BCAS3: variants seen among roughly 807,000 people sequenced by gnomAD.
BCAS3 encodes the protein BCAS4/BCAS3 fusion.
BCAS3 carries 53 observed loss-of-function variants against 116.1 expected under a neutral mutation model. That is an observed-to-expected ratio of 0.46 (90% CI 0.37 to 0.57). The LOEUF (loss-of-function observed/expected upper bound fraction) is 0.57, where lower values mean the gene tolerates loss of function less well. Ranked by LOEUF, BCAS3 falls within the 20% of genes least tolerant of loss-of-function variation. BCAS3 has a pLI of 0.00. For synonymous variants in BCAS3, 391 were observed against 408.2 expected (o/e 0.96, Z 0.51); for missense variants, 917 against 1,165.4 (o/e 0.79, Z 3.10).
chr17:60,951,957 A>T (rs1410027532), intron 14 of BCAS3, among the ~76,000 whole-genome samples: 1 of 151,720 alleles, frequency 6.6e-6, no homozygotes, highest in African/African-American at 2.4e-5. Context: ...TTTTTAGTAG[A>T]GACAGGGTTT....
intron 22 of BCAS3, among the ~76,000 whole-genome samples, chr17:61,266,971 T>C (rs553309362): frequency 8.3e-4 from 127 of 152,354 alleles, no homozygotes; most frequent in African/African-American, 3.0e-3. Flanking sequence ...CTCCATACTT[T>C]CTTTATAGCA....
At position 61,229,986 on chromosome 17, in the gene BCAS3, G is replaced by A. The variant is rs544546580; in HGVS notation, c.2426-138341G>A. Among the ~76,000 whole-genome samples, 301 of 152,308 alleles carry A rather than the reference G, an allele frequency of 2.0e-3. 1 individual carries two copies. Among genetic ancestry groups the A allele is most frequent in the African/African-American group, 6.9e-3 (286 of 41,570 alleles). ...CCGAAAATACAAAAATTAGCCGGGCGTGGTAGCACGTGCCTATAGTCCCAG... is the reference window on the plus strand; with the variant it reads ...CCGAAAATACAAAAATTAGCCGGGCATGGTAGCACGTGCCTATAGTCCCAG... On this transcript the variant is annotated intron_variant, in intron 22 of 23. Transcript: ENST00000407086. The surrounding 1 kb of genome is among the most constrained non-coding windows in gnomAD (Gnocchi z 4.4).
At chr17:61,081,285 A>T (rs1238115573) in intron 21 of BCAS3, among the ~76,000 whole-genome samples, 3 of 152,064 alleles carry the variant, frequency 2.0e-5, no homozygotes, top group Admixed American at 6.6e-5. Flanking sequence ...TTTTCTGAGG[A>T]TGTCTTTGCC....
intron 3 of BCAS3, among the ~76,000 whole-genome samples, chr17:60,685,876 AT>A (rs879421285): frequency 8.0e-4 from 117 of 145,742 alleles, no homozygotes; most frequent in South Asian, 2.6e-3. Context: ...TATATTAGAC[AT>A]TTTTTTTTTT....
rs2076042660 is a variant in BCAS3, at chr17:61,126,294, C to A, written c.2425+41730C>A. Among the ~76,000 whole-genome samples the A allele has an allele frequency of 6.6e-6, 1 of 152,026 alleles. No individual in the cohort carries two copies. The highest frequency in any genetic ancestry group is 6.6e-5 in the Admixed American group (1 of 15,248). On this transcript the variant is annotated intron_variant, in intron 22 of 23. Transcript: ENST00000407086. The surrounding 1 kb of genome is among the most constrained non-coding windows in gnomAD (Gnocchi z 4.6). ...ATTTGCAAATTCTGAATTTACATAT[C>A]ACCTTGAGAAAATGTGAGGCAATCC...
intron 4 of BCAS3, among the ~76,000 whole-genome samples, chr17:60,706,507 C>A (rs1465216681): frequency 6.6e-6 from 1 of 152,080 alleles, no homozygotes; most frequent in Non-Finnish European, 1.5e-5. Flanking sequence ...CAGCAGTAAG[C>A]TATTAGCAGT....
At chr17:61,197,787 A>G (rs2080570598) in intron 22 of BCAS3, among the ~76,000 whole-genome samples, 2 of 152,204 alleles carry the variant, frequency 1.3e-5, no homozygotes, top group Non-Finnish European at 2.9e-5. Flanking sequence ...TGATCCCTCA[A>G]ACACTCAGAT....
In BCAS3 at chr17:61,388,376, C is replaced by T; in HGVS notation, c.2594-3601C>T. 8.5e-6 allele frequency: 4 copies of T among 471,210 alleles called. 1 individual carries two copies. In the South Asian group the frequency reaches 1.1e-4, roughly 13 times the overall value. The allele number at this position is 471,210 out of a possible 1,614,324, so 29.2% of individuals were successfully genotyped here. A position where few individuals can be genotyped will look rare whatever the true frequency, so the allele number is the denominator to read the frequency against. Reference sequence around the variant, plus strand: ...CTGTGACTCCTCTCCCCCTCCCCCACTCTGAACGGGGTCTTGGCCCCCTCT... The same window carrying T: ...CTGTGACTCCTCTCCCCCTCCCCCATTCTGAACGGGGTCTTGGCCCCCTCT... On this transcript the variant is annotated intron_variant, in intron 23 of 23. Coordinates refer to ENST00000407086, the MANE Select transcript of BCAS3 (RefSeq NM_017679.5). This position sits in a 1 kb window ranked among gnomAD's most constrained non-coding sequence, Gnocchi z 6.5.
At chr17:60,799,551 C>CAG in intron 6 of BCAS3, among the ~76,000 whole-genome samples, 1 of 91,306 alleles carries the variant, frequency 1.1e-5, no homozygotes, top group East Asian at 2.8e-4. Context: ...TTTTTGGAGA[C>CAG]AGAGTCGTAC....
At chr17:60,869,737 G>GTT (rs1223045886) in intron 8 of BCAS3, among the ~76,000 whole-genome samples, 1 of 152,076 alleles carries the variant, frequency 6.6e-6, no homozygotes, top group African/African-American at 2.4e-5. Context: ...GTATAGAAGT[G>GTT]TTAAACAACG....
rs533702981 is a variant in BCAS3 at position 61,142,403 on chromosome 17, G to A, written c.2425+57839G>A. Among the ~76,000 whole-genome samples, 58 of 152,314 alleles carry A rather than the reference G, an allele frequency of 3.8e-4. 1 individual carries two copies. Among genetic ancestry groups the A allele is most frequent in the African/African-American group, 1.4e-3 (58 of 41,574 alleles). The stretch of plus-strand genomic sequence containing the variant: ...CCAATCCAAAGTGGATGTTTGCATG[G>A]AGGAGTCAGAGAATTTTAAGAATGA... On this transcript the variant is annotated intron_variant, in intron 22 of 23. Coordinates refer to ENST00000407086, the MANE Select transcript of BCAS3 (RefSeq NM_017679.5).
At chr17:61,001,690 C>T (rs924152481) in intron 15 of BCAS3, among the ~76,000 whole-genome samples, 3 of 151,970 alleles carry the variant, frequency 2.0e-5, no homozygotes, top group Non-Finnish European at 4.4e-5. Flanking sequence ...AGTTTAGTAC[C>T]TGGATTTTTA....
intron 22 of BCAS3, among the ~76,000 whole-genome samples, chr17:61,321,075 G>C (rs77155222): frequency 0.036 from 5,507 of 152,200 alleles, 298 homozygotes; most frequent in African/African-American, 0.12. Context: ...ATAAAGCTGA[G>C]ACTAGAACTC....
chr17:61,300,128 G>A lies in BCAS3; in HGVS notation c.2426-68199G>A, dbSNP rs112858546. Among the ~76,000 whole-genome samples the A allele has an allele frequency of 2.4e-3, 361 of 152,218 alleles. 2 individuals carry two copies. The highest frequency in any genetic ancestry group is 8.2e-3 in the African/African-American group (342 of 41,514). On this transcript the variant is annotated intron_variant, in intron 22 of 23. Coordinates refer to ENST00000407086, the MANE Select transcript of BCAS3 (RefSeq NM_017679.5). This position sits in a 1 kb window ranked among gnomAD's most constrained non-coding sequence, Gnocchi z 5.1. ...TAGGCAGAAGGTGCTTTCTCCTCAC[G>A]TTACATTTTGCTGTTGCATTATTAG...
Position 61,379,751 on chromosome 17 carries a change from G to C in BCAS3, c.2593+11257G>C, listed in dbSNP as rs2059513976. On this transcript the variant is annotated intron_variant, in intron 23 of 23. Transcript: ENST00000407086. The surrounding 1 kb of genome is among the most constrained non-coding windows in gnomAD (Gnocchi z 5.5). ...ATGTTTTATGGGGTGTAGCCCGCTA[G>C]CTTGCAGTTCCACCCCTCTGCACCC... is the stretch of plus-strand genomic sequence containing the variant. The C allele has an allele frequency of 6.6e-6, 1 of 152,282 alleles. No individual in the cohort carries two copies. The allele number at this position is 152,282 out of a possible 1,614,324, so 9.4% of individuals were successfully genotyped here. A position where few individuals can be genotyped will look rare whatever the true frequency, so the allele number is the denominator to read the frequency against.
intron 22 of BCAS3, among the ~76,000 whole-genome samples, chr17:61,172,469 TAAAA>T (rs1247143957): frequency 7.0e-6 from 1 of 143,758 alleles, no homozygotes; most frequent in African/African-American, 2.6e-5. Context: ...CCGTCTCTAC[TAAAA>T]ATACAAAAAA....
chr17:61,148,728 A>G (rs983989503), intron 22 of BCAS3, among the ~76,000 whole-genome samples: 1 of 152,216 alleles, frequency 6.6e-6, no homozygotes, highest in Admixed American at 6.5e-5. Context: ...GCTAATACAG[A>G]GCAAAAGTAG....
chr17:61,143,787 C>T (rs541416668), intron 22 of BCAS3, among the ~76,000 whole-genome samples: 19 of 152,062 alleles, frequency 1.2e-4, no homozygotes, highest in African/African-American at 3.6e-4. Context: ...CTAGCCTGGG[C>T]GACAGAGCAA....
chr17:60,826,822 T>C (rs1441952719), intron 7 of BCAS3, among the ~76,000 whole-genome samples: 2 of 152,196 alleles, frequency 1.3e-5, no homozygotes, highest in Admixed American at 6.5e-5. Context: ...TAGTCTATAA[T>C]GTATATCTGA....
Sources: allele counts gnomAD v4.1 joint callset (sites outside exome capture counted in the v4.1 genomes callset), GRCh38; gene constraint gnomAD v4.1.1; non-coding constraint Gnocchi (gnomAD v3.1); transcripts MANE v1.5; gene names NCBI Gene and HGNC (gene_info 2026-07-23, HGNC 2026-07-21).